Variants in HAUS6 observed in about 807,000 individuals in gnomAD.
HAUS6 encodes HAUS augmin-like complex subunit 6.
HAUS6 carries 80 observed loss-of-function variants against 106.8 expected under a neutral mutation model. The ratio of observed to expected loss-of-function variants is 0.75; its 90% confidence interval spans 0.63 to 0.90. HAUS6 has a LOEUF of 0.90. HAUS6 is among the 40% of genes least tolerant of loss of function. The pLI, the probability that HAUS6 is intolerant of heterozygous loss-of-function variation, is 0.00. For synonymous variants in HAUS6, 356 were observed against 379.1 expected, an observed-to-expected ratio of 0.94 and a Z score of 0.71; for missense variants, 1,155 against 1,118.1, an observed-to-expected ratio of 1.03 and a Z score of -0.47.
intron 12 of HAUS6, among the ~76,000 whole-genome samples, chr9:19,066,580 C>A (rs188893293): frequency 1.3e-4 from 19 of 141,498 alleles, no homozygotes; most frequent in African/African-American, 3.7e-4. Flanking sequence ...AACTCCCCCC[C>A]ACACACACAA....
At chr9:19,085,607 A>AT (rs1341129803) in intron 7 of HAUS6, among the ~76,000 whole-genome samples, 2 of 138,200 alleles carry the variant, frequency 1.4e-5, no homozygotes, top group African/African-American at 6.1e-5. Context: ...CTTGAGAGAG[A>AT]TTTTATCCAA....
At chr9:19,087,646 G>T (rs533734538) in intron 5 of HAUS6, among the ~76,000 whole-genome samples, 2 of 152,038 alleles carry the variant, frequency 1.3e-5, no homozygotes, top group South Asian at 4.2e-4. Context: ...CTTCAGGCCA[G>T]GAGTTTGAGA....
chr9:19,087,954 C>T (rs1340873156), intron 5 of HAUS6, among the ~76,000 whole-genome samples: 4 of 151,444 alleles, frequency 2.6e-5, no homozygotes, highest in African/African-American at 7.3e-5. Context: ...AATATCAATG[C>T]CTAAACAGTA....
intron 1 of HAUS6, among the ~76,000 whole-genome samples, chr9:19,097,820 A>T (rs1173945979): frequency 6.6e-6 from 1 of 152,226 alleles, no homozygotes; most frequent in Non-Finnish European, 1.5e-5. Flanking sequence ...CCTTTAAGAA[A>T]ATGTCACACA....
At chr9:19,059,960 G>C in intron 15 of HAUS6, 128 bp downstream of exon 15, 3 of 639,910 alleles carry the variant, frequency 4.7e-6, no homozygotes, top group South Asian at 2.3e-5. Flanking sequence ...CCCACACTTA[G>C]TACGTCGATT....
intron 4 of HAUS6, 31 bp downstream of exon 4, chr9:19,093,140 A>C: frequency 7.1e-7 from 1 of 1,402,582 alleles, no homozygotes; most frequent in African/African-American, 1.5e-5. Flanking sequence ...TTAAGAATCA[A>C]AACAAAAAAT....
chr9:19,056,488 A>T (rs938011690), intron 16 of HAUS6, 84 bp from the exon 17 acceptor site: 4 of 767,608 alleles, frequency 5.2e-6, no homozygotes, highest in Non-Finnish European at 4.6e-6. Flanking sequence ...AATTTTAGTC[A>T]ATACAAAAAA....
chr9:19,076,009 A>C (rs929988734), intron 11 of HAUS6, among the ~76,000 whole-genome samples: 1 of 151,092 alleles, frequency 6.6e-6, no homozygotes, highest in African/African-American at 2.4e-5. Flanking sequence ...GCCAGGGACT[A>C]GCGGGGAAAA....
intron 1 of HAUS6, among the ~76,000 whole-genome samples, chr9:19,101,040 ATAGT>A (rs1817975878): frequency 6.6e-6 from 1 of 152,254 alleles, no homozygotes; most frequent in Non-Finnish European, 1.5e-5. Flanking sequence ...AAGTGAAACT[ATAGT>A]TAAAAATAAT....
chr9:19,096,006 C>CA (rs1020431395), intron 2 of HAUS6, among the ~76,000 whole-genome samples: 3 of 151,370 alleles, frequency 2.0e-5, no homozygotes, highest in Non-Finnish European at 2.9e-5. Context: ...GAGTACCGAG[C>CA]AAAAAAAATT....
At chr9:19,086,429 T>C (rs767680101) in intron 7 of HAUS6, among the ~76,000 whole-genome samples, 5 of 152,166 alleles carry the variant, frequency 3.3e-5, no homozygotes, top group Non-Finnish European at 7.3e-5. Flanking sequence ...AAGACCAGCC[T>C]GGCCAACATG....
chr9:19,071,049 T>C (rs1836872482), intron 11 of HAUS6, among the ~76,000 whole-genome samples: 1 of 152,200 alleles, frequency 6.6e-6, no homozygotes, highest in African/African-American at 2.4e-5. Flanking sequence ...GGGCTCGACC[T>C]CTTTCATCAT....
chr9:19,056,558 C>A (rs985807978), intron 16 of HAUS6, 154 bp from the exon 17 acceptor site: 18 of 570,762 alleles, frequency 3.2e-5, no homozygotes, highest in African/African-American at 2.3e-4. Flanking sequence ...CACCAAAGTA[C>A]CCTCTTTCTC....
intron 4 of HAUS6, among the ~76,000 whole-genome samples, chr9:19,090,860 G>A (rs1399050319): frequency 6.6e-6 from 1 of 152,170 alleles, no homozygotes; most frequent in Non-Finnish European, 1.5e-5. Context: ...AATAACTCAT[G>A]TAAATATTTC....
chr9:19,102,608 C>T lies in HAUS6; in HGVS notation c.44G>A (p.Trp15Ter), dbSNP rs776381603. The T allele has an allele frequency of 1.1e-5, 17 of 1,613,634 alleles. No individual in the cohort carries two copies. The highest frequency in any genetic ancestry group is 1.3e-5 in the Non-Finnish European group (15 of 1,179,754). The change falls in exon 1 of 17, where the codon TGG (tryptophan) becomes TAG (stop). Residue 15 changes from tryptophan (W) to a stop codon, truncating the protein, a stop_gained. Coordinates refer to ENST00000380502, the MANE Select transcript of HAUS6 (RefSeq NM_017645.5). LOFTEE classifies it high-confidence loss of function. ...SVTAFEKEHL[W>*]MYLQALGFEP... ...GAAGCCGAGCGCCTGCAGATACATC[C>T]AGAGATGCTCCTTCTCGAAAGCGGT...
chr9:19,094,306 A>G lies in HAUS6; in HGVS notation c.303+11T>C, dbSNP rs532902209. ...TTAAAGTCTGTATCTTCTAACAAAA[A>G]GAATACTTACAGAAATCCTTTTTAT... is the stretch of plus-strand genomic sequence containing the variant. On this transcript the variant is annotated intron_variant, in intron 3 of 16. Transcript: ENST00000380502. The G allele has an allele frequency of 8.6e-6, 13 of 1,510,262 alleles. No individual in the cohort carries two copies. The highest frequency in any genetic ancestry group is 3.5e-4 in the Middle Eastern group (2 of 5,640). The allele number at this position is 1,510,262 out of a possible 1,614,324, so 93.6% of individuals were successfully genotyped here.
chr9:19,076,176 A>G (rs955194655), intron 11 of HAUS6, among the ~76,000 whole-genome samples: 3 of 150,262 alleles, frequency 2.0e-5, no homozygotes, highest in African/African-American at 4.9e-5. Context: ...CCCGGGCAAC[A>G]TGGTGAAATC....
intron 4 of HAUS6, 48 bp from the exon 5 acceptor site, chr9:19,089,607 T>C (rs1038405473): frequency 1.4e-6 from 2 of 1,423,952 alleles, no homozygotes; most frequent in African/African-American, 1.4e-5. Context: ...GGTCTGATAG[T>C]AGTGGGTTAT....
chr9:19,078,751 G>T (rs192282296), intron 9 of HAUS6, among the ~76,000 whole-genome samples: 14 of 151,198 alleles, frequency 9.3e-5, no homozygotes, highest in African/African-American at 3.2e-4. Flanking sequence ...TCGTGCCATT[G>T]CACTCCATGC....
Sources: allele counts gnomAD v4.1 joint callset (sites outside exome capture counted in the v4.1 genomes callset), GRCh38; gene constraint gnomAD v4.1.1; transcripts MANE v1.5; gene names NCBI Gene and HGNC (gene_info 2026-07-23, HGNC 2026-07-21).